Variants in PTPRE observed in about 807,000 individuals in gnomAD.
PTPRE encodes receptor-type tyrosine-protein phosphatase epsilon.
Under a neutral mutation model 102.0 loss-of-function variants are expected in PTPRE, and 51 were observed. The ratio of observed to expected loss-of-function variants is 0.50; its 90% CI spans 0.40 to 0.63. PTPRE has a LOEUF of 0.63. PTPRE is among the 30% of genes least tolerant of loss of function. The pLI, the probability that PTPRE is intolerant of heterozygous loss-of-function variation, is 0.00. For missense variants in PTPRE, 752 were observed against 915.1 expected (o/e 0.82, Z 2.30); for synonymous variants, 345 against 348.2 (o/e 0.99, Z 0.10).
rs905125229 is a variant in PTPRE, at chr10:128,070,060, C to T, written c.1143+233C>T. On this transcript the variant is annotated intron_variant, in intron 13 of 20. Transcript: ENST00000254667. The surrounding 1 kb of genome is among the most constrained non-coding windows in gnomAD (Gnocchi z 4.8). ...GATGGGGCAATCCTACTCCCCCAAA[C>T]GGTGCATGTACACAGTGCGTGGCGT... 3.1e-5 allele frequency: 22 copies of T among 699,778 alleles called. No individual in the cohort carries two copies. Among genetic ancestry groups the T allele is most frequent in the Admixed American group, 2.3e-4 (8 of 34,552 alleles). 43.3% of individuals were successfully genotyped at this position (699,778 alleles called of 1,614,324 possible).
chr10:127,967,937 G>C (rs1850382271), intron 1 of PTPRE, among the ~76,000 whole-genome samples: 1 of 152,108 alleles, frequency 6.6e-6, no homozygotes, highest in Non-Finnish European at 1.5e-5. Context: ...TACCTACTAT[G>C]TGCAAGGCCT....
At chr10:128,050,330 CGGATGGATGGAT>C (rs562305572) in intron 6 of PTPRE, among the ~76,000 whole-genome samples, 3 of 94,572 alleles carry the variant, frequency 3.2e-5, no homozygotes, top group East Asian at 6.8e-4. Flanking sequence ...AGTGGGAGGG[CGGATGGATGGAT>C]GGATGGATGG....
intron 2 of PTPRE, among the ~76,000 whole-genome samples, chr10:128,001,496 G>T (rs909585526): frequency 6.6e-6 from 1 of 152,104 alleles, no homozygotes; most frequent in African/African-American, 2.4e-5. Flanking sequence ...TTCCACCCCC[G>T]GAATTGCTTC....
chr10:127,967,977 T>C (rs1302372056), intron 1 of PTPRE, among the ~76,000 whole-genome samples: 1 of 151,844 alleles, frequency 6.6e-6, no homozygotes, highest in Non-Finnish European at 1.5e-5. Context: ...TCTAAATGAC[T>C]TGGTTTTGAA....
intron 1 of PTPRE, among the ~76,000 whole-genome samples, chr10:127,926,804 CTTTTT>C (rs150223324): frequency 6.0e-5 from 5 of 82,682 alleles, no homozygotes; most frequent in Non-Finnish European, 1.1e-4. Context: ...AGAGAGTTGT[CTTTTT>C]TTTTTTTTTT....
intron 20 of PTPRE, among the ~76,000 whole-genome samples, chr10:128,081,747 T>C (rs1343225145): frequency 6.6e-6 from 1 of 152,230 alleles, no homozygotes. Flanking sequence ...TACAATGTGG[T>C]CTTGGCTCTT....
chr10:127,969,521 A>T (rs7082026), intron 1 of PTPRE, among the ~76,000 whole-genome samples: 2 of 152,048 alleles, frequency 1.3e-5, no homozygotes, highest in African/African-American at 4.8e-5. Context: ...TACAAAAATT[A>T]GCTGGGCATG....
chr10:127,936,273 G>A (rs1332669092), intron 1 of PTPRE: 2 of 152,204 alleles, frequency 1.3e-5, no homozygotes, highest in African/African-American at 2.4e-5. Flanking sequence ...CACAGCATGG[G>A]AGAGGCAACC....
At position 128,059,522 on chromosome 10, in the gene PTPRE, G is replaced by C. The variant is rs376930175; in HGVS notation, c.512-1417G>C. Among the ~76,000 whole-genome samples the C allele has an allele frequency of 2.3e-4, 35 of 152,284 alleles. No homozygotes were observed. In the East Asian group the frequency reaches 5.0e-3, roughly 22 times the overall value. ...AAACACCACAAACACAACCCACCCT[G>C]ATCAGAGACTAAGCAGAGAAAGCAG... On this transcript the variant is annotated intron_variant, in intron 7 of 20. Transcript: ENST00000254667.
intron 1 of PTPRE, among the ~76,000 whole-genome samples, chr10:127,928,024 A>G (rs1589753068): frequency 1.3e-5 from 2 of 152,332 alleles, no homozygotes; most frequent in East Asian, 1.9e-4. Context: ...TTCAAAAACT[A>G]TTAGAGAGTA....
chr10:127,950,389 T>C (rs191089761), intron 1 of PTPRE, among the ~76,000 whole-genome samples: 4 of 152,176 alleles, frequency 2.6e-5, no homozygotes, highest in South Asian at 4.2e-4. Context: ...AGATGCCTGA[T>C]CTCCTTTGGT....
intron 1 of PTPRE, among the ~76,000 whole-genome samples, chr10:127,969,499 C>T (rs1238345215): frequency 1.3e-5 from 2 of 152,080 alleles, no homozygotes; most frequent in African/African-American, 4.8e-5. Flanking sequence ...GAAACCCTCT[C>T]TCTACTAAAA....
intron 2 of PTPRE, among the ~76,000 whole-genome samples, chr10:128,021,734 T>A (rs1021689085): frequency 2.0e-5 from 3 of 152,138 alleles, no homozygotes; most frequent in Non-Finnish European, 4.4e-5. Flanking sequence ...CCACAGCAGG[T>A]CACGGGACCA....
chr10:128,002,650 C>T (rs552639383), intron 2 of PTPRE, among the ~76,000 whole-genome samples: 1 of 132,928 alleles, frequency 7.5e-6, no homozygotes, highest in African/African-American at 2.8e-5. Flanking sequence ...GATGCAATGT[C>T]AATTGTCTTT....
At chr10:127,947,932 A>AC (rs1270472027) in intron 1 of PTPRE, among the ~76,000 whole-genome samples, 2 of 152,022 alleles carry the variant, frequency 1.3e-5, no homozygotes, top group Non-Finnish European at 2.9e-5. Context: ...GGTTGAGCCA[A>AC]CCCCCCAATA....
intron 2 of PTPRE, among the ~76,000 whole-genome samples, chr10:128,016,003 G>A (rs184893747): frequency 6.6e-6 from 1 of 152,314 alleles, no homozygotes; most frequent in Non-Finnish European, 1.5e-5. Context: ...TCAAGGGCAG[G>A]CAAGGGCATC....
At chr10:127,999,962 G>A in intron 2 of PTPRE, 1 of 985,414 alleles carries the variant, frequency 1.0e-6, no homozygotes, top group Non-Finnish European at 1.2e-6. Flanking sequence ...GCGGTGCTCT[G>A]TAAGTATCCA....
chr10:127,963,838 C>T (rs1850027974), intron 1 of PTPRE, among the ~76,000 whole-genome samples: 1 of 152,218 alleles, frequency 6.6e-6, no homozygotes, highest in Non-Finnish European at 1.5e-5. Context: ...ACCCTTGGGG[C>T]AGAAGTTCTG....
At position 128,085,056 on chromosome 10, in the gene PTPRE, A is replaced by C. The variant is rs1226452121; in HGVS notation, c.*2150A>C. The C allele has an allele frequency of 2.2e-6, 1 of 455,626 alleles. No homozygotes were observed. Among genetic ancestry groups the C allele is most frequent in the Non-Finnish European group, 4.4e-6 (1 of 226,712 alleles). The allele number at this position is 455,626 out of a possible 1,614,324, so 28.2% of individuals were successfully genotyped here. ...ACTGCAGGGGTTCTGCCTGTTCCCA[A>C]ACTTTTTCCATTCCAGGAACAAAGG... is the stretch of plus-strand genomic sequence containing the variant. On this transcript the variant is annotated 3_prime_UTR_variant, in exon 21 of 21. Transcript: ENST00000254667.
Sources: allele counts gnomAD v4.1 joint callset (sites outside exome capture counted in the v4.1 genomes callset), GRCh38; gene constraint gnomAD v4.1.1; non-coding constraint Gnocchi (gnomAD v3.1); transcripts MANE v1.5; gene names NCBI Gene and HGNC (gene_info 2026-07-23, HGNC 2026-07-21).